The following MDN1 variants were observed in gnomAD, a reference collection of about 807,000 sequenced individuals.
The protein encoded by MDN1 is midasin AAA ATPase 1.
Under a neutral mutation model 669.2 loss-of-function variants are expected in MDN1, and 266 were observed. That is an observed-to-expected ratio of 0.40 (90% CI 0.36 to 0.44). The LOEUF (loss-of-function observed/expected upper bound fraction) is 0.44, where lower values mean the gene tolerates loss of function less well. Ranked by LOEUF, MDN1 falls within the 20% of genes least tolerant of loss-of-function variation. MDN1 has a pLI of 1.00. For synonymous variants in MDN1, 2,385 were observed against 2,457.1 expected, an observed-to-expected ratio of 0.97 and a Z score of 0.87; for missense variants, 5,940 against 6,754.0, an observed-to-expected ratio of 0.88 and a Z score of 4.22.
chr6:89,773,819 G>A (rs919941397), intron 13 of MDN1, among the ~76,000 whole-genome samples: 11 of 150,748 alleles, frequency 7.3e-5, no homozygotes, highest in Admixed American at 6.6e-5. Context: ...ACAAAAATTA[G>A]CTGGGCGTGG....
chr6:89,656,312 T>C (rs1302833709), intron 91 of MDN1, among the ~76,000 whole-genome samples: 1 of 152,150 alleles, frequency 6.6e-6, no homozygotes, highest in East Asian at 1.9e-4. Context: ...TTTTAGGGGA[T>C]TGGTTTTTTA....
At chr6:89,736,770 G>A (rs980218708) in intron 33 of MDN1, among the ~76,000 whole-genome samples, 10 of 152,110 alleles carry the variant, frequency 6.6e-5, no homozygotes, top group African/African-American at 2.4e-4. Flanking sequence ...CTCCAGCCTG[G>A]GTGACAGAGA....
chr6:89,675,703 T>A (rs182001924), intron 77 of MDN1, 124 bp from the exon 78 acceptor site: 64 of 716,810 alleles, frequency 8.9e-5, no homozygotes, highest in Non-Finnish European at 6.9e-5. Context: ...GACATATTCA[T>A]TTTTTTGAGC....
At position 89,649,914 on chromosome 6, in the gene MDN1, T is replaced by C. The variant is rs955309515; in HGVS notation, c.16206+110A>G. ...CAGGTATTTCAAAATGTTTTAGCCA[T>C]ATCATATTTAAAGCATTAGCCATAT... On this transcript the variant is annotated intron_variant, in intron 97 of 101. Transcript: ENST00000369393. 30 of 1,111,782 alleles carry C rather than the reference T, an allele frequency of 2.7e-5. No homozygotes were observed. The Admixed American group carries it at 6.1e-4, about 23-fold the overall frequency. 68.9% of individuals were successfully genotyped at this position (1,111,782 alleles called of 1,614,324 possible). A position where few individuals can be genotyped will look rare whatever the true frequency, so the allele number is the denominator to read the frequency against.
chr6:89,655,712 G>A (rs1809219681), intron 92 of MDN1, 52 bp downstream of exon 92: 1 of 1,486,160 alleles, frequency 6.7e-7, no homozygotes, highest in Admixed American at 2.0e-5. Context: ...CATAGCACAA[G>A]CTCTCATAGA....
chr6:89,760,561 G>A (rs1275218695), intron 17 of MDN1, among the ~76,000 whole-genome samples: 1 of 152,118 alleles, frequency 6.6e-6, no homozygotes, highest in African/African-American at 2.4e-5. Flanking sequence ...CAATAGTCAA[G>A]ATATAGAATC....
At chr6:89,775,680 TG>T (rs1818319222) in intron 12 of MDN1, among the ~76,000 whole-genome samples, 1 of 152,086 alleles carries the variant, frequency 6.6e-6, no homozygotes, top group Non-Finnish European at 1.5e-5. Context: ...CTTTTTTTTT[TG>T]TTTGTTTGGT....
intron 2 of MDN1, among the ~76,000 whole-genome samples, chr6:89,799,801 A>G (rs911328326): frequency 6.6e-6 from 1 of 152,226 alleles, no homozygotes; most frequent in Non-Finnish European, 1.5e-5. Flanking sequence ...TAAAAACTTG[A>G]GCTTATTTGT....
intron 1 of MDN1, among the ~76,000 whole-genome samples, chr6:89,806,095 G>A (rs1767995172): frequency 6.6e-6 from 1 of 151,984 alleles, no homozygotes. Context: ...GTGCCACCAC[G>A]CCCAGCTGAT....
At chr6:89,719,106 A>C in intron 41 of MDN1, 30 bp downstream of exon 41, 1 of 1,611,696 alleles carries the variant, frequency 6.2e-7, no homozygotes, top group Non-Finnish European at 8.5e-7. Flanking sequence ...AAAAATGTCA[A>C]AGGATAGAGG....
intron 33 of MDN1, among the ~76,000 whole-genome samples, chr6:89,734,716 A>AGAGAGAGAGAGAGAGAGAGAGAGAGAG (rs1562158027): frequency 6.8e-6 from 1 of 146,824 alleles, no homozygotes; most frequent in African/African-American, 2.5e-5. Context: ...AGAGAGAGAG[A>AGAGAGAGAGAGAGAGAGAGAGAGAGAG]ACTCCCTGAT....
chr6:89,670,206 T>C (rs1272165350), intron 83 of MDN1, among the ~76,000 whole-genome samples: 1 of 132,382 alleles, frequency 7.6e-6, no homozygotes, highest in Non-Finnish European at 1.6e-5. Flanking sequence ...GCAGTTTTGC[T>C]CTTGTTGCCC....
intron 97 of MDN1, among the ~76,000 whole-genome samples, chr6:89,648,597 G>T (rs1413828243): frequency 6.6e-6 from 1 of 151,922 alleles, no homozygotes; most frequent in Non-Finnish European, 1.5e-5. Flanking sequence ...GCCAGGCGTG[G>T]TAGCTCACAC....
intron 1 of MDN1, among the ~76,000 whole-genome samples, chr6:89,803,771 C>T (rs1767821032): frequency 1.3e-5 from 2 of 151,512 alleles, no homozygotes; most frequent in African/African-American, 2.4e-5. Flanking sequence ...TTAGTAGAGA[C>T]GGGGTTTCAC....
chr6:89,807,140 G>A (rs1177511747), intron 1 of MDN1, among the ~76,000 whole-genome samples: 1 of 152,068 alleles, frequency 6.6e-6, no homozygotes, highest in African/African-American at 2.4e-5. Flanking sequence ...CACCCAGGCT[G>A]GAGTTCTTTG....
Position 89,695,689 on chromosome 6 carries a change from CA to C in MDN1, c.9686del (p.Leu3229CysfsTer17). The C allele has an allele frequency of 6.2e-7, 1 of 1,613,678 alleles. No individual in the cohort carries two copies. The highest frequency in any genetic ancestry group is 8.5e-7 in the Non-Finnish European group (1 of 1,179,962). ...QRGSLWVSLG[L>X]LQIQTWLPQA... Reference sequence around the variant, plus strand: ...GGGGAAGCCATGTCTGAATCTGGAGCAAGCCGAGGCTCACCCAGAGGCTCCC... The same window carrying C: ...GGGGAAGCCATGTCTGAATCTGGAGCAGCCGAGGCTCACCCAGAGGCTCCC... On this transcript the variant is annotated frameshift_variant, in exon 61 of 102. Coordinates refer to ENST00000369393, the MANE Select transcript of MDN1 (RefSeq NM_014611.3). LOFTEE classifies it high-confidence loss of function. The surrounding 1 kb of genome is among the most constrained non-coding windows in gnomAD (Gnocchi z 4.1).
Position 89,698,926 on chromosome 6 carries a change from T to C in MDN1, c.9107A>G (p.Asn3036Ser), listed in dbSNP as rs1812955731. ...TTNPEYWLMW[N>S]PLPGMQQREA... ...CCTCTGCTGCATACCAGGCAAAGGG[T>C]TCCACATTAGCCAGTACTCTGGATT... The change falls in exon 59 of 102, where the codon AAC becomes AGC. Residue 3036 changes from asparagine (N) to serine (S), a missense_variant. Asn to Ser is a conservative substitution (Grantham distance 46). Coordinates refer to ENST00000369393, the MANE Select transcript of MDN1 (RefSeq NM_014611.3). 6.2e-7 allele frequency: 1 copy of C among 1,613,972 alleles called. No individual in the cohort carries two copies. The highest frequency in any genetic ancestry group is 1.7e-5 in the Admixed American group (1 of 60,000).
intron 57 of MDN1, 65 bp from the exon 58 acceptor site, chr6:89,699,792 T>C: frequency 6.5e-7 from 1 of 1,528,854 alleles, no homozygotes. Flanking sequence ...GGAAAGCTGC[T>C]ACATTAGGGA....
In MDN1 at chr6:89,684,154, C is replaced by T. The variant is rs571084175; in HGVS notation, c.11830-250G>A. Among the ~76,000 whole-genome samples, 182 of 152,138 alleles carry T rather than the reference C, an allele frequency of 1.2e-3. 1 individual carries two copies. The highest frequency in any genetic ancestry group is 4.2e-3 in the African/African-American group (173 of 41,506). On this transcript the variant is annotated intron_variant, in intron 71 of 101. Transcript: ENST00000369393. Reference sequence around the variant, plus strand: ...GGTAAGGAGATTGAGACCATCCTGGCCAACATGGTGAAACCCCGTCTCTAC... The same window carrying T: ...GGTAAGGAGATTGAGACCATCCTGGTCAACATGGTGAAACCCCGTCTCTAC...
Sources: gnomAD v4.1 joint callset for allele counts (sites outside exome capture counted in the v4.1 genomes callset) on GRCh38, gnomAD v4.1.1 for gene constraint, Gnocchi (gnomAD v3.1) non-coding constraint, MANE v1.5 for transcripts, NCBI Gene and HGNC (gene_info 2026-07-23, HGNC 2026-07-21) for gene names.